OSBPL10: variants seen among roughly 807,000 people sequenced by gnomAD.
The protein encoded by OSBPL10 is oxysterol-binding protein-related protein 10.
In OSBPL10, 49 loss-of-function variants were observed where a neutral mutation model predicts 81.7. The observed-to-expected ratio is 0.60, with a 90% CI of 0.48 to 0.76. The LOEUF is 0.76. Ranked by LOEUF, OSBPL10 falls within the 30% of genes least tolerant of loss-of-function variation. The probability of loss-of-function intolerance (pLI) is 0.00; values close to 1 mark genes in which losing one functional copy is unlikely to be tolerated. For synonymous variants in OSBPL10, 419 were observed against 383.6 expected (o/e 1.09, Z -1.08); for missense variants, 923 against 987.8 (o/e 0.93, Z 0.88).
chr3:32,072,461 C>A (rs1699838359), intron 1 of OSBPL10, among the ~76,000 whole-genome samples: 2 of 152,214 alleles, frequency 1.3e-5, no homozygotes. Context: ...CCACACAAAG[C>A]AAATTGTTCT....
intron 2 of OSBPL10, among the ~76,000 whole-genome samples, chr3:32,000,320 G>C (rs1021036511): frequency 6.6e-6 from 1 of 152,046 alleles, no homozygotes; most frequent in South Asian, 2.1e-4. Context: ...CTTATAATAC[G>C]GGCTCAAAGA....
intron 3 of OSBPL10, among the ~76,000 whole-genome samples, chr3:31,853,027 G>A (rs1350254386): frequency 6.6e-6 from 1 of 152,166 alleles, no homozygotes; most frequent in Non-Finnish European, 1.5e-5. Flanking sequence ...CCAATGCAAT[G>A]CACTGGAGTT....
chr3:31,912,006 T>C (rs1263918261), intron 1 of OSBPL10, among the ~76,000 whole-genome samples: 3 of 152,078 alleles, frequency 2.0e-5, no homozygotes, highest in Non-Finnish European at 4.4e-5. Context: ...ACAATGTGAA[T>C]GTACTTAATG....
chr3:31,788,179 A>C (rs1698907861), intron 4 of OSBPL10, among the ~76,000 whole-genome samples: 1 of 152,208 alleles, frequency 6.6e-6, no homozygotes, highest in South Asian at 2.1e-4. Flanking sequence ...AGATGTCAGC[A>C]ATCTGACCCT....
At chr3:31,705,284 G>A (rs530087097) in intron 6 of OSBPL10, among the ~76,000 whole-genome samples, 104 of 152,198 alleles carry the variant, frequency 6.8e-4, no homozygotes, top group African/African-American at 2.4e-3. Context: ...AGTTAAGCTG[G>A]TTTCATACAC....
At chr3:31,684,244 C>A in intron 7 of OSBPL10, 130 bp from the exon 8 acceptor site, 1 of 1,243,126 alleles carries the variant, frequency 8.0e-7, no homozygotes, top group Non-Finnish European at 1.1e-6. Flanking sequence ...TCTGTTTTGA[C>A]TTGTGCACAC....
chr3:32,043,841 A>G (rs564983363), intron 2 of OSBPL10, among the ~76,000 whole-genome samples: 1 of 152,368 alleles, frequency 6.6e-6, no homozygotes, highest in African/African-American at 2.4e-5. Flanking sequence ...ATGTTCTCTT[A>G]TAAGTGAGAG....
intron 2 of OSBPL10, among the ~76,000 whole-genome samples, chr3:32,017,273 A>C (rs1477259033): frequency 1.3e-5 from 2 of 152,222 alleles, no homozygotes; most frequent in Non-Finnish European, 2.9e-5. Flanking sequence ...AAAGCTTTCC[A>C]AAGTTCCAAC....
At chr3:32,007,385 C>T (rs1241495196) in intron 2 of OSBPL10, among the ~76,000 whole-genome samples, 1 of 152,148 alleles carries the variant, frequency 6.6e-6, no homozygotes, top group East Asian at 1.9e-4. Context: ...TTGCTGAAAA[C>T]ATAATAAATG....
chr3:31,812,818 GAGAA>G (rs745663706), intron 4 of OSBPL10, among the ~76,000 whole-genome samples: 938 of 25,742 alleles, frequency 0.036, 67 homozygotes, highest in African/African-American at 0.042. Flanking sequence ...AAGAAAGAAA[GAGAA>G]AGAAAGAAAG....
chr3:31,915,298 C>A (rs1696722365), intron 1 of OSBPL10, among the ~76,000 whole-genome samples: 1 of 152,090 alleles, frequency 6.6e-6, no homozygotes, highest in Admixed American at 6.5e-5. Flanking sequence ...TCCTCAAATT[C>A]TCTGGTGACC....
intron 1 of OSBPL10, among the ~76,000 whole-genome samples, chr3:32,074,139 A>G (rs910890391): frequency 6.6e-6 from 1 of 151,962 alleles, no homozygotes; most frequent in Non-Finnish European, 1.5e-5. Context: ...ACCTCCCTGC[A>G]CCTCAGAACC....
At chr3:31,994,480 CAG>C (rs1375174673) in intron 2 of OSBPL10, among the ~76,000 whole-genome samples, 1 of 149,520 alleles carries the variant, frequency 6.7e-6, no homozygotes, top group Non-Finnish European at 1.5e-5. Flanking sequence ...TTCCCTATGT[CAG>C]GGAAAAAAAG....
intron 2 of OSBPL10, among the ~76,000 whole-genome samples, chr3:31,878,134 C>T (rs138174720): frequency 1.3e-5 from 2 of 152,200 alleles, no homozygotes; most frequent in African/African-American, 4.8e-5. Flanking sequence ...GATCATAAAA[C>T]CTCTATATTT....
At chr3:31,792,225 C>CAAAA (rs369733747) in intron 4 of OSBPL10, among the ~76,000 whole-genome samples, 68 of 133,832 alleles carry the variant, frequency 5.1e-4, no homozygotes, top group South Asian at 1.5e-3. Context: ...ACCCTGTCTC[C>CAAAA]AAAAAAAAAA....
intron 3 of OSBPL10, among the ~76,000 whole-genome samples, chr3:31,858,948 A>G (rs1700995991): frequency 6.6e-6 from 1 of 152,252 alleles, no homozygotes; most frequent in Admixed American, 6.5e-5. Context: ...GAAATGTTGT[A>G]GCAGAATTGG....
At chr3:31,970,601 A>G (rs1024592941) in intron 1 of OSBPL10, among the ~76,000 whole-genome samples, 8 of 152,222 alleles carry the variant, frequency 5.3e-5, no homozygotes. Context: ...ACTGGGGTCT[A>G]TAGCTACAGG....
intron 4 of OSBPL10, among the ~76,000 whole-genome samples, chr3:31,763,982 C>G (rs974351643): frequency 6.6e-6 from 1 of 152,214 alleles, no homozygotes; most frequent in African/African-American, 2.4e-5. Context: ...ACTGCAGTCA[C>G]CATTTTACAG....
intron 1 of OSBPL10, among the ~76,000 whole-genome samples, chr3:32,067,616 C>A (rs541028149): frequency 6.6e-6 from 1 of 152,110 alleles, no homozygotes; most frequent in Non-Finnish European, 1.5e-5. Flanking sequence ...TTCTGCCCCA[C>A]CCTAACTGAT....
Sources: allele counts gnomAD v4.1 joint callset (sites outside exome capture counted in the v4.1 genomes callset), GRCh38; gene constraint gnomAD v4.1.1; transcripts MANE v1.5; gene names NCBI Gene and HGNC (gene_info 2026-07-23, HGNC 2026-07-21).